Variants in THSD4 observed in about 807,000 individuals in gnomAD.
The protein encoded by THSD4 is thrombospondin type 1 domain containing 4.
In THSD4, 69 loss-of-function variants were observed where a neutral mutation model predicts 119.0. The ratio of observed to expected loss-of-function variants is 0.58; its 90% CI spans 0.48 to 0.71. The LOEUF (loss-of-function observed/expected upper bound fraction) is 0.71. THSD4 is among the 30% of genes least tolerant of loss of function. The probability of loss-of-function intolerance (pLI) is 0.00; values close to 1 mark genes in which losing one functional copy is unlikely to be tolerated. For missense variants in THSD4, 1,393 were observed against 1,391.1 expected (o/e 1.00, Z -0.02); for synonymous variants, 524 against 540.4 (o/e 0.97, Z 0.42).
chr15:71,324,358 C>G (rs967088616), intron 6 of THSD4, among the ~76,000 whole-genome samples: 2 of 152,090 alleles, frequency 1.3e-5, no homozygotes, highest in East Asian at 3.9e-4. Context: ...TTTGGTTACA[C>G]AGATGAATTG....
intron 6 of THSD4, among the ~76,000 whole-genome samples, chr15:71,392,726 C>A (rs1339826490): frequency 3.9e-5 from 6 of 152,214 alleles, no homozygotes; most frequent in Non-Finnish European, 8.8e-5. Context: ...GAAAGCTACA[C>A]CTCATTTAAC....
At chr15:71,709,909 G>A (rs1251222674) in intron 8 of THSD4, among the ~76,000 whole-genome samples, 2 of 152,186 alleles carry the variant, frequency 1.3e-5, no homozygotes, top group African/African-American at 4.8e-5. Context: ...AGCCAAGTTT[G>A]AGAAGCAGTG....
chr15:71,304,245 C>T (rs530975112), intron 6 of THSD4, among the ~76,000 whole-genome samples: 63 of 152,138 alleles, frequency 4.1e-4, no homozygotes, highest in African/African-American at 1.4e-3. Context: ...CTGTGACCAG[C>T]TGGGCCTTTG....
At chr15:71,239,692 C>T (rs1345153345) in intron 4 of THSD4, among the ~76,000 whole-genome samples, 1 of 152,218 alleles carries the variant, frequency 6.6e-6, no homozygotes, top group Non-Finnish European at 1.5e-5. Flanking sequence ...CCACATGATT[C>T]TCCTGAAGGA....
At chr15:71,471,581 T>A (rs75546068) in intron 7 of THSD4, among the ~76,000 whole-genome samples, 3,633 of 151,846 alleles carry the variant, frequency 0.024, 69 homozygotes, top group South Asian at 0.064. Flanking sequence ...TTTTGCAATG[T>A]GAAAGGCGAA....
chr15:71,112,647 G>C (rs953296678), upstream of THSD4, among the ~76,000 whole-genome samples: 27 of 152,182 alleles, frequency 1.8e-4, no homozygotes. Flanking sequence ...CCCCAGCCTA[G>C]GTAAGCACAG....
At chr15:71,303,433 C>T (rs930033897) in intron 6 of THSD4, among the ~76,000 whole-genome samples, 3 of 152,138 alleles carry the variant, frequency 2.0e-5, no homozygotes, top group Admixed American at 6.5e-5. Context: ...TGGCCTCTAA[C>T]GTTGCAAAGA....
chr15:71,551,400 G>A (rs2048926325), intron 7 of THSD4, among the ~76,000 whole-genome samples: 1 of 152,126 alleles, frequency 6.6e-6, no homozygotes, highest in Non-Finnish European at 1.5e-5. Flanking sequence ...AAGAGCAATG[G>A]GAAGCTACCT....
chr15:71,454,183 G>A (rs1290826861), intron 7 of THSD4, among the ~76,000 whole-genome samples: 2 of 152,170 alleles, frequency 1.3e-5, no homozygotes, highest in Non-Finnish European at 2.9e-5. Flanking sequence ...CTTGAACCCA[G>A]GAGGTGGAGG....
chr15:71,731,300 T>A, intron 10 of THSD4, 83 bp downstream of exon 10: 1 of 1,349,044 alleles, frequency 7.4e-7, no homozygotes, highest in Middle Eastern at 1.8e-4. Flanking sequence ...GCATCCACCC[T>A]CTGTCTCTCG....
intron 7 of THSD4, among the ~76,000 whole-genome samples, chr15:71,530,570 G>A (rs2048592624): frequency 6.6e-6 from 1 of 151,964 alleles, no homozygotes; most frequent in Non-Finnish European, 1.5e-5. Context: ...TCATTATCCA[G>A]CACAAAGATG....
intron 8 of THSD4, among the ~76,000 whole-genome samples, chr15:71,671,839 T>C (rs540522134): frequency 5.9e-5 from 9 of 152,264 alleles, no homozygotes; most frequent in Admixed American, 3.3e-4. Flanking sequence ...ATCCATTGGT[T>C]TATATCTCTG....
chr15:71,200,784 G>A (rs192411585), intron 3 of THSD4, among the ~76,000 whole-genome samples: 2 of 152,246 alleles, frequency 1.3e-5, no homozygotes, highest in African/African-American at 4.8e-5. Flanking sequence ...TAAGATGTGG[G>A]GATGCACAGA....
chr15:71,647,964 GAT>G (rs991167531), intron 7 of THSD4, among the ~76,000 whole-genome samples: 13 of 152,188 alleles, frequency 8.5e-5, no homozygotes, highest in African/African-American at 3.1e-4. Context: ...CAGCCTGAGA[GAT>G]ATAAGCGTAT....
intron 5 of THSD4, among the ~76,000 whole-genome samples, chr15:71,251,791 G>A (rs978418912): frequency 6.6e-6 from 1 of 152,152 alleles, no homozygotes; most frequent in African/African-American, 2.4e-5. Context: ...CTTGAGCAGT[G>A]AAGTTGGGTA....
At chr15:71,280,608 C>T (rs1456291760) in intron 6 of THSD4, among the ~76,000 whole-genome samples, 2 of 150,694 alleles carry the variant, frequency 1.3e-5, no homozygotes, top group African/African-American at 5.0e-5. Flanking sequence ...CCCTCCCTCC[C>T]TCCCTCTCTC....
chr15:71,720,700 G>A (rs2052705608), intron 8 of THSD4, among the ~76,000 whole-genome samples: 1 of 152,194 alleles, frequency 6.6e-6, no homozygotes, highest in African/African-American at 2.4e-5. Flanking sequence ...TCATGCCCAT[G>A]TGTGGGATTC....
intron 6 of THSD4, among the ~76,000 whole-genome samples, chr15:71,353,332 ATAAAAATTGTGTC>A (rs1263883825): frequency 1.3e-5 from 2 of 152,204 alleles, no homozygotes; most frequent in Non-Finnish European, 2.9e-5. Context: ...AGGCATGTGG[ATAAAAATTGTGTC>A]CACTTTTTAT....
chr15:71,612,385 T>G (rs1223511588), intron 7 of THSD4, among the ~76,000 whole-genome samples: 1 of 152,206 alleles, frequency 6.6e-6, no homozygotes. Context: ...GAAGGATTTC[T>G]GAAAATAAAT....
Sources: allele counts gnomAD v4.1 joint callset (sites outside exome capture counted in the v4.1 genomes callset), GRCh38; gene constraint gnomAD v4.1.1; transcripts MANE v1.5; gene names NCBI Gene and HGNC (gene_info 2026-07-23, HGNC 2026-07-21).